FXR1: variants seen among roughly 807,000 people sequenced by gnomAD.
FXR1 encodes the protein FMR1 autosomal homolog 1.
A neutral mutation model predicts 84.0 loss-of-function variants in FXR1; 15 were observed. That is an observed-to-expected ratio of 0.18 (90% confidence interval 0.12 to 0.27). The LOEUF is 0.27. Among genes scored for constraint, FXR1 ranks in the 10% least tolerant of loss-of-function variants. The probability of loss-of-function intolerance (pLI) is 1.00; values close to 1 mark genes in which losing one functional copy is unlikely to be tolerated. For synonymous variants in FXR1, 245 were observed against 250.7 expected, an observed-to-expected ratio of 0.98 and a Z score of 0.21; for missense variants, 480 against 774.4, an observed-to-expected ratio of 0.62 and a Z score of 4.51.
At chr3:180,961,383 G>A (rs530556130) in intron 10 of FXR1, 85 bp from the exon 11 acceptor site, 10 of 421,898 alleles carry the variant, frequency 2.4e-5, no homozygotes, top group African/African-American at 2.3e-4. Context: ...GTGTGTGTGT[G>A]CCTGCCTGTC....
chr3:180,965,204 C>A (rs1250628288), intron 13 of FXR1, among the ~76,000 whole-genome samples: 1 of 151,962 alleles, frequency 6.6e-6, no homozygotes, highest in Non-Finnish European at 1.5e-5. Context: ...TTAGTAGAGA[C>A]AGGGTTTCTC....
intron 3 of FXR1, among the ~76,000 whole-genome samples, chr3:180,938,824 A>C (rs1720815476): frequency 6.6e-6 from 1 of 152,164 alleles, no homozygotes; most frequent in African/African-American, 2.4e-5. Flanking sequence ...CTGGGATTAC[A>C]GGTGTGAGCC....
intron 10 of FXR1, among the ~76,000 whole-genome samples, chr3:180,959,821 C>T (rs992965798): frequency 6.6e-6 from 1 of 151,976 alleles, no homozygotes; most frequent in Non-Finnish European, 1.5e-5. Flanking sequence ...GTGCTATATC[C>T]CTAGCACTTG....
chr3:180,963,127 GTAA>G, intron 13 of FXR1, 37 bp downstream of exon 13: 3 of 785,434 alleles, frequency 3.8e-6, no homozygotes, highest in South Asian at 3.1e-5. Flanking sequence ...TTTGGTAATA[GTAA>G]TAATAGTAGT....
chr3:180,942,739 G>C (rs2108457057), intron 3 of FXR1, among the ~76,000 whole-genome samples: 1 of 152,256 alleles, frequency 6.6e-6, no homozygotes, highest in East Asian at 1.9e-4. Flanking sequence ...AATTGTTCCT[G>C]CGAAATAGTT....
rs568950408 is a variant in FXR1 at position 180,941,473 on chromosome 3, C to T, written c.198+6242C>T. ...TCCCAAAGTGGTGTGTGCTACCATGCCTAGTCTAATTCAGTATTTTATTTA... is the reference window on the plus strand; with the variant it reads ...TCCCAAAGTGGTGTGTGCTACCATGTCTAGTCTAATTCAGTATTTTATTTA... On this transcript the variant is annotated intron_variant, in intron 3 of 16. Transcript: ENST00000357559. Among the ~76,000 whole-genome samples the T allele has an allele frequency of 2.6e-5, 4 of 152,118 alleles. No homozygotes were observed. The East Asian group carries it at 7.7e-4, about 29-fold the overall frequency.
chr3:180,920,373 T>C (rs1298272106), intron 1 of FXR1, among the ~76,000 whole-genome samples: 1 of 152,190 alleles, frequency 6.6e-6, no homozygotes, highest in Non-Finnish European at 1.5e-5. Flanking sequence ...TGATTTTGGT[T>C]CAAACTGAAT....
chr3:180,957,676 G>A (rs1286766595), intron 9 of FXR1, 143 bp from the exon 10 acceptor site: 4 of 539,870 alleles, frequency 7.4e-6, no homozygotes, highest in Non-Finnish European at 1.3e-5. Flanking sequence ...AGTCTGTAGG[G>A]CGAGTTAATT....
At chr3:180,915,210 CT>C (rs1375019516) in intron 1 of FXR1, among the ~76,000 whole-genome samples, 1 of 152,030 alleles carries the variant, frequency 6.6e-6, no homozygotes, top group African/African-American at 2.4e-5. Context: ...TAAAATAAGC[CT>C]TTTTTGGTGT....
intron 3 of FXR1, among the ~76,000 whole-genome samples, chr3:180,936,477 A>G (rs763901422): frequency 2.0e-5 from 3 of 151,960 alleles, no homozygotes; most frequent in Non-Finnish European, 4.4e-5. Flanking sequence ...CTTGTTGGCC[A>G]GGCTGGTCTT....
intron 1 of FXR1, among the ~76,000 whole-genome samples, chr3:180,926,460 A>G (rs568630723): frequency 7.0e-6 from 1 of 143,250 alleles, no homozygotes; most frequent in Non-Finnish European, 1.5e-5. Flanking sequence ...CCTAATCTCT[A>G]TTTAGGGGGA....
intron 14 of FXR1, among the ~76,000 whole-genome samples, chr3:180,969,675 G>C (rs1713285402): frequency 6.6e-6 from 1 of 152,150 alleles, no homozygotes; most frequent in African/African-American, 2.4e-5. Flanking sequence ...TGCAGGTATT[G>C]AATATTATTT....
At chr3:180,935,022 G>T in intron 2 of FXR1, 116 bp from the exon 3 acceptor site, 1 of 563,580 alleles carries the variant, frequency 1.8e-6, no homozygotes, top group Non-Finnish European at 3.2e-6. Flanking sequence ...TAGTATGAAT[G>T]TTGTTTTCCT....
intron 1 of FXR1, among the ~76,000 whole-genome samples, chr3:180,925,085 C>T (rs915160719): frequency 7.9e-5 from 12 of 151,970 alleles, no homozygotes; most frequent in African/African-American, 2.2e-4. Flanking sequence ...CTCTCCTGGC[C>T]GGGCGCGATG....
intron 3 of FXR1, among the ~76,000 whole-genome samples, chr3:180,939,190 G>T (rs1242052959): frequency 1.3e-5 from 2 of 152,088 alleles, no homozygotes; most frequent in Non-Finnish European, 2.9e-5. Context: ...CACTGCGCAG[G>T]CTTACTTTTA....
intron 15 of FXR1, among the ~76,000 whole-genome samples, chr3:180,974,676 C>G (rs1714003485): frequency 6.6e-6 from 1 of 152,020 alleles, no homozygotes; most frequent in Non-Finnish European, 1.5e-5. Flanking sequence ...ACACTCTGGA[C>G]CTTTTCCCAC....
At position 180,975,535 on chromosome 3, in the gene FXR1, C is replaced by G. The variant is rs553354160; in HGVS notation, c.1695+131C>G. The G allele has an allele frequency of 1.1e-5, 5 of 461,198 alleles. 1 individual carries two copies. The East Asian group carries it at 1.8e-4, about 16-fold the overall frequency. 28.6% of individuals were successfully genotyped at this position (461,198 alleles called of 1,614,324 possible). A position where few individuals can be genotyped will look rare whatever the true frequency, so the allele number is the denominator to read the frequency against. On this transcript the variant is annotated intron_variant, in intron 16 of 16. Transcript: ENST00000357559. The stretch of plus-strand genomic sequence containing the variant: ...GACAATACTATTTTAGTTAAAGACT[C>G]TTGAATATGTTCTTGGCCCCAGGTA...
intron 1 of FXR1, among the ~76,000 whole-genome samples, chr3:180,919,144 T>C (rs1209088082): frequency 6.6e-6 from 1 of 152,170 alleles, no homozygotes; most frequent in African/African-American, 2.4e-5. Flanking sequence ...ATCTGCTTTC[T>C]AATATAGTAG....
At chr3:180,931,588 G>A (rs1244289184) in intron 1 of FXR1, among the ~76,000 whole-genome samples, 1 of 152,094 alleles carries the variant, frequency 6.6e-6, no homozygotes, top group Non-Finnish European at 1.5e-5. Flanking sequence ...GCATAGAAAT[G>A]TCCCGTGGCA....
Sources: allele counts gnomAD v4.1 joint callset (sites outside exome capture counted in the v4.1 genomes callset), GRCh38; gene constraint gnomAD v4.1.1; transcripts MANE v1.5; gene names NCBI Gene and HGNC (gene_info 2026-07-23, HGNC 2026-07-21).